Variants in PPARG observed in about 807,000 individuals in gnomAD.
The protein encoded by PPARG is peroxisome proliferator-activated receptor gamma.
Under a neutral mutation model 39.2 loss-of-function variants are expected in PPARG, and 17 were observed. That is an observed-to-expected ratio of 0.43 (90% CI 0.30 to 0.65). The LOEUF (loss-of-function observed/expected upper bound fraction) is 0.65. Ranked by LOEUF, PPARG falls within the 30% of genes least tolerant of loss-of-function variation. The pLI is 0.13. For missense variants in PPARG, 406 were observed against 585.9 expected (o/e 0.69, Z 3.17); for synonymous variants, 223 against 215.7 (o/e 1.03, Z -0.30).
At chr3:12,317,145 C>T (rs1180994939) in intron 2 of PPARG, among the ~76,000 whole-genome samples, 3 of 152,138 alleles carry the variant, frequency 2.0e-5, no homozygotes, top group Non-Finnish European at 4.4e-5. Context: ...AAACTCTCTG[C>T]CTAGCTATAC....
Position 12,345,694 on chromosome 3 carries a change from G to A in PPARG, c.-9+33241G>A, listed in dbSNP as rs527338790. 1.4e-4 allele frequency among the ~76,000 whole-genome samples: 21 copies of A among 152,040 alleles called. No individual in the cohort carries two copies. In the South Asian group the frequency reaches 3.1e-3, roughly 23 times the overall value. Reference sequence around the variant, plus strand: ...GCTAATCTCCCTCCTATTAAGTTTCGTGAGCCCGTGATTTCAACAGTACGT... The same window carrying A: ...GCTAATCTCCCTCCTATTAAGTTTCATGAGCCCGTGATTTCAACAGTACGT... On this transcript the variant is annotated intron_variant, in intron 2 of 7. Transcript: ENST00000651735.
chr3:12,328,133 C>T (rs2047746697), intron 2 of PPARG: 4 of 1,277,774 alleles, frequency 3.1e-6, no homozygotes, highest in African/African-American at 1.5e-5. Flanking sequence ...TCCAAGGAAG[C>T]AATTCACAAT....
chr3:12,377,358 C>A (rs537246871), intron 2 of PPARG, among the ~76,000 whole-genome samples: 1 of 152,212 alleles, frequency 6.6e-6, no homozygotes, highest in African/African-American at 2.4e-5. Context: ...CTGATTTTGA[C>A]ACTCTCGGGT....
intron 1 of PPARG, among the ~76,000 whole-genome samples, chr3:12,292,112 C>T (rs996600846): frequency 6.6e-6 from 1 of 152,198 alleles, no homozygotes; most frequent in Non-Finnish European, 1.5e-5. Context: ...GATGATGCTT[C>T]TCATGTGGTG....
chr3:12,347,033 TG>T (rs2125083424), intron 2 of PPARG, among the ~76,000 whole-genome samples: 1 of 152,252 alleles, frequency 6.6e-6, no homozygotes, highest in South Asian at 2.1e-4. Flanking sequence ...TTACAGTTTT[TG>T]GTTAAAGAAG....
At chr3:12,327,627 G>T (rs1443343225) in intron 2 of PPARG, among the ~76,000 whole-genome samples, 1 of 152,132 alleles carries the variant, frequency 6.6e-6, no homozygotes, top group Non-Finnish European at 1.5e-5. Context: ...GTTGAGAAAG[G>T]CTTCAGACCC....
At chr3:12,364,203 C>T (rs143632889) in intron 2 of PPARG, among the ~76,000 whole-genome samples, 1 of 152,296 alleles carries the variant, frequency 6.6e-6, no homozygotes, top group Non-Finnish European at 1.5e-5. Flanking sequence ...CTCTGGGATC[C>T]ACCTGTTCAT....
intron 2 of PPARG, among the ~76,000 whole-genome samples, chr3:12,335,773 A>G (rs375961771): frequency 2.2e-4 from 34 of 152,334 alleles, no homozygotes; most frequent in Admixed American, 5.2e-4. Context: ...GATTTCCAAT[A>G]AAAGTATTAA....
chr3:12,291,352 A>G (rs975096675), intron 1 of PPARG, among the ~76,000 whole-genome samples: 5 of 152,222 alleles, frequency 3.3e-5, no homozygotes, highest in African/African-American at 9.6e-5. Context: ...GAATAGTAAG[A>G]GTTGTGAACA....
intron 2 of PPARG, among the ~76,000 whole-genome samples, chr3:12,313,061 A>G (rs774396122): frequency 6.6e-6 from 1 of 152,198 alleles, no homozygotes; most frequent in Non-Finnish European, 1.5e-5. Context: ...GGGTTCCAAG[A>G]CAGTTCTTAG....
At chr3:12,287,501 T>C (rs2046526056), upstream of PPARG, 1 of 152,184 alleles carries the variant, frequency 6.6e-6, no homozygotes, top group Non-Finnish European at 1.5e-5. Context: ...GAAGACGGCC[T>C]GGCCGATCGC....
At chr3:12,328,238 C>G in intron 2 of PPARG, 1 of 1,531,370 alleles carries the variant, frequency 6.5e-7, no homozygotes, top group Non-Finnish European at 8.9e-7. Context: ...AAGCTGAGAA[C>G]AACATCCGGG....
chr3:12,328,790 T>C (rs2047765993), intron 2 of PPARG, among the ~76,000 whole-genome samples: 1 of 152,216 alleles, frequency 6.6e-6, no homozygotes, highest in Non-Finnish European at 1.5e-5. Flanking sequence ...GGCCTACATG[T>C]AGCAGACAGA....
chr3:12,331,579 T>C (rs1318674851), intron 2 of PPARG, among the ~76,000 whole-genome samples: 3 of 152,080 alleles, frequency 2.0e-5, no homozygotes, highest in African/African-American at 4.8e-5. Flanking sequence ...TATGCAGAAT[T>C]GATTGGAGAG....
chr3:12,390,636 C>CTTTTTT (rs1382187854), intron 4 of PPARG, among the ~76,000 whole-genome samples: 1 of 69,186 alleles, frequency 1.4e-5, no homozygotes, highest in African/African-American at 8.3e-5. Flanking sequence ...GTATTTTCTT[C>CTTTTTT]CTTTTTTTTT....
chr3:12,316,731 T>TA (rs1437748655), intron 2 of PPARG, among the ~76,000 whole-genome samples: 39 of 151,512 alleles, frequency 2.6e-4, no homozygotes, highest in East Asian at 1.2e-3. Flanking sequence ...TTTTTTTTTT[T>TA]AAAAAATCTA....
In PPARG at chr3:12,416,782, G is replaced by C. The variant is rs1324719941; in HGVS notation, c.808G>C (p.Glu270Gln). The C allele has an allele frequency of 6.2e-7, 1 of 1,613,962 alleles. No individual in the cohort carries two copies. The highest frequency in any genetic ancestry group is 8.5e-7 in the Non-Finnish European group (1 of 1,179,998). ...GTTCAAACACATCACCCCCCTGCAG[G>C]AGCAGAGCAAAGAGGTGGCCATCCG... ...IKFKHITPLQEQSKEVAIRIF... is the reference protein window; with the variant it reads ...IKFKHITPLQQQSKEVAIRIF... The change falls in exon 7 of 8, where the codon GAG (glutamate) becomes CAG (glutamine). Residue 270 changes from glutamate (E) to glutamine (Q), a missense_variant. By Grantham distance (29) the Glu-to-Gln change is conservative. This residue lies in a region of PPARG where 275 missense variants were observed against 458.0 expected (regional missense o/e 0.60). Transcript: ENST00000651735.
At chr3:12,425,159 A>G (rs1316675500) in intron 7 of PPARG, among the ~76,000 whole-genome samples, 1 of 152,154 alleles carries the variant, frequency 6.6e-6, no homozygotes, top group East Asian at 1.9e-4. Context: ...ATCCTGGAGG[A>G]AGGGGAGGGC....
intron 4 of PPARG, among the ~76,000 whole-genome samples, chr3:12,389,476 G>GTAT (rs2049992489): frequency 6.6e-6 from 1 of 152,158 alleles, no homozygotes; most frequent in Non-Finnish European, 1.5e-5. Context: ...CAACCAAAGA[G>GTAT]AAAAGGTAGA....
Sources: gnomAD v4.1 joint callset for allele counts (sites outside exome capture counted in the v4.1 genomes callset) on GRCh38, gnomAD v4.1.1 for gene constraint, gnomAD v4.1.1 regional missense constraint, MANE v1.5 for transcripts, NCBI Gene and HGNC (gene_info 2026-07-23, HGNC 2026-07-21) for gene names.